The following RHOA variants were observed in gnomAD, a reference collection of about 807,000 sequenced individuals.
RHOA encodes the protein transforming protein RhoA.
In RHOA, 3 loss-of-function variants were observed where a neutral mutation model predicts 17.5. The observed-to-expected ratio is 0.17, with a 90% CI of 0.08 to 0.44. The LOEUF is 0.44. RHOA is among the 20% of genes least tolerant of loss of function. The probability of loss-of-function intolerance (pLI) is 0.99; values close to 1 mark genes in which losing one functional copy is unlikely to be tolerated. For synonymous variants in RHOA, 98 were observed against 88.4 expected (o/e 1.11, Z -0.61); for missense variants, 56 against 242.3 (o/e 0.23, Z 5.10).
chr3:49,364,756 T>A (rs1320440227), intron 3 of RHOA, among the ~76,000 whole-genome samples: 3 of 151,918 alleles, frequency 2.0e-5, no homozygotes. Context: ...CCGAGGCAGG[T>A]GGATCAGGAG....
chr3:49,369,842 C>T (rs1012130383), intron 2 of RHOA, among the ~76,000 whole-genome samples: 2 of 151,946 alleles, frequency 1.3e-5, no homozygotes, highest in African/African-American at 2.4e-5. Flanking sequence ...CCAAGGCGGG[C>T]GGATCACCTG....
At chr3:49,363,606 C>T (rs1394474667) in intron 3 of RHOA, among the ~76,000 whole-genome samples, 1 of 152,070 alleles carries the variant, frequency 6.6e-6, no homozygotes, top group Non-Finnish European at 1.5e-5. Context: ...AATCCCAGCA[C>T]TTTGGGAGGC....
rs2048666018 is a variant in RHOA at position 49,398,859 on chromosome 3, A to G, written c.-3+12961T>C. On this transcript the variant is annotated intron_variant, in intron 1 of 4. Coordinates refer to ENST00000418115, the MANE Select transcript of RHOA (RefSeq NM_001664.4). ...CGTCTCAAAAAAAAAAAAAAAAAAAAAAAAAAAAAAAAGAATTTTGCTGTC... is the reference window on the plus strand; with the variant it reads ...CGTCTCAAAAAAAAAAAAAAAAAAAGAAAAAAAAAAAAGAATTTTGCTGTC... Among the ~76,000 whole-genome samples, 6 of 134,582 alleles carry G rather than the reference A, an allele frequency of 4.5e-5. 1 individual carries two copies. The highest frequency in any genetic ancestry group is 3.3e-5 in the Non-Finnish European group (2 of 60,406). 88.3% of individuals were successfully genotyped at this position (134,582 alleles called of 152,430 possible).
intron 1 of RHOA, among the ~76,000 whole-genome samples, chr3:49,391,146 A>G (rs2048496123): frequency 6.6e-6 from 1 of 150,394 alleles, no homozygotes; most frequent in African/African-American, 2.4e-5. Flanking sequence ...TGTACCCGGG[A>G]GGCAGAGGTT....
chr3:49,370,538 G>C (rs1373001108), intron 2 of RHOA, among the ~76,000 whole-genome samples: 3 of 152,226 alleles, frequency 2.0e-5, no homozygotes, highest in Non-Finnish European at 4.4e-5. Context: ...CATGCTGGCT[G>C]TTAGGCAAGG....
intron 1 of RHOA, among the ~76,000 whole-genome samples, chr3:49,400,526 T>C (rs978984298): frequency 6.6e-5 from 10 of 152,152 alleles, no homozygotes; most frequent in South Asian, 2.1e-4. Flanking sequence ...TTCATGCCTA[T>C]GTGAGCTTGA....
chr3:49,386,890 A>G (rs2048404240), intron 1 of RHOA, among the ~76,000 whole-genome samples: 1 of 151,160 alleles, frequency 6.6e-6, no homozygotes, highest in Admixed American at 6.6e-5. Flanking sequence ...AGGCAAATGG[A>G]TCACCTGACG....
chr3:49,373,366 G>A (rs2048176137), intron 2 of RHOA: 1 of 165,300 alleles, frequency 6.0e-6, no homozygotes, highest in African/African-American at 2.4e-5. Flanking sequence ...CAAAAACAAA[G>A]TAAGAAAGGA....
At chr3:49,382,614 T>G (rs770053450) in intron 1 of RHOA, among the ~76,000 whole-genome samples, 7 of 149,412 alleles carry the variant, frequency 4.7e-5, no homozygotes, top group Non-Finnish European at 7.4e-5. Context: ...CCAGCCTGAG[T>G]GACACAGTAA....
intron 1 of RHOA, among the ~76,000 whole-genome samples, chr3:49,395,195 G>A (rs1311351673): frequency 6.6e-6 from 1 of 151,148 alleles, no homozygotes; most frequent in Non-Finnish European, 1.5e-5. Flanking sequence ...AGCTTGCAGT[G>A]AGCCGAGATC....
intron 2 of RHOA, among the ~76,000 whole-genome samples, chr3:49,371,745 C>T (rs552455209): frequency 1.3e-5 from 2 of 152,136 alleles, no homozygotes; most frequent in Non-Finnish European, 2.9e-5. Flanking sequence ...CCCTATCTTG[C>T]GAGGGTCAGT....
chr3:49,387,189 A>G (rs183525982), intron 1 of RHOA, among the ~76,000 whole-genome samples: 3 of 138,668 alleles, frequency 2.2e-5, no homozygotes, highest in Non-Finnish European at 4.6e-5. Context: ...TCACACCTGT[A>G]ATCCCAGCAC....
intron 4 of RHOA, 128 bp from the exon 5 acceptor site, chr3:49,360,510 C>G (rs956999840): frequency 8.2e-6 from 8 of 973,184 alleles, no homozygotes; most frequent in South Asian, 1.8e-5. Flanking sequence ...GTCGGTCGCC[C>G]AGGCTGGAGG....
At chr3:49,361,554 A>G (rs2047971863) in intron 4 of RHOA, among the ~76,000 whole-genome samples, 1 of 152,208 alleles carries the variant, frequency 6.6e-6, no homozygotes, top group African/African-American at 2.4e-5. Context: ...TTGGCCTCAC[A>G]TGTACCAAAG....
In RHOA at chr3:49,380,674, AAATAATAATAATAATAAT is replaced by A. The variant is rs199906304; in HGVS notation, c.-2-5101_-2-5084del. On this transcript the variant is annotated intron_variant, in intron 1 of 4. Transcript: ENST00000418115. ...TGGGTGACAGAGACTCTTGTCTCAA[AAATAATAATAATAATAAT>A]AATAATAATAATAATAATAATAATA... Among the ~76,000 whole-genome samples, 453 of 137,538 alleles carry A rather than the reference AAATAATAATAATAATAAT, an allele frequency of 3.3e-3. 2 individuals carry two copies. The highest frequency in any genetic ancestry group is 0.01 in the African/African-American group (376 of 37,340). The allele number at this position is 137,538 out of a possible 152,430, so 90.2% of individuals were successfully genotyped here.
At chr3:49,368,376 T>C (rs2048093103) in intron 3 of RHOA, 52 bp downstream of exon 3, 8 of 1,585,952 alleles carry the variant, frequency 5.0e-6, no homozygotes, top group Non-Finnish European at 6.9e-6. Context: ...AGAAACCAGA[T>C]GCCAACTAGC....
chr3:49,409,031 G>A (rs1482357389), intron 1 of RHOA, among the ~76,000 whole-genome samples: 1 of 150,754 alleles, frequency 6.6e-6, no homozygotes, highest in African/African-American at 2.4e-5. Context: ...CTCGTGATCC[G>A]CCCGCCTCGG....
intron 1 of RHOA, among the ~76,000 whole-genome samples, chr3:49,391,272 G>A (rs2048500695): frequency 6.7e-6 from 1 of 150,086 alleles, no homozygotes; most frequent in Non-Finnish European, 1.5e-5. Context: ...CACACGTGTA[G>A]TTCCAGCTAC....
chr3:49,369,013 T>TTTTTTTG, intron 2 of RHOA, among the ~76,000 whole-genome samples: 1 of 51,494 alleles, frequency 1.9e-5, no homozygotes, highest in African/African-American at 7.6e-5. Context: ...GGCCTTTTTT[T>TTTTTTTG]TTTTTTTTTT....
Sources: gnomAD v4.1 joint callset for allele counts (sites outside exome capture counted in the v4.1 genomes callset) on GRCh38, gnomAD v4.1.1 for gene constraint, MANE v1.5 for transcripts, NCBI Gene and HGNC (gene_info 2026-07-23, HGNC 2026-07-21) for gene names.